Variants in TUBGCP3 observed in about 807,000 individuals in gnomAD.
TUBGCP3 encodes gamma-tubulin complex component 3.
A neutral mutation model predicts 123.1 loss-of-function variants in TUBGCP3; 50 were observed. The ratio of observed to expected loss-of-function variants is 0.41; its 90% CI spans 0.32 to 0.51. The LOEUF is 0.51. TUBGCP3 is among the 20% of genes least tolerant of loss of function. The pLI is 0.36. For missense variants in TUBGCP3, 882 were observed against 1,127.0 expected (o/e 0.78, Z 3.11); for synonymous variants, 405 against 413.9 (o/e 0.98, Z 0.26).
At chr13:112,516,713 A>G (rs1876164481) in intron 16 of TUBGCP3, 138 bp from the exon 17 acceptor site, 1 of 1,018,480 alleles carries the variant, frequency 9.8e-7, no homozygotes, top group Non-Finnish European at 1.4e-6. Flanking sequence ...TCACAGTAAC[A>G]GAAGGCAGGC....
intron 4 of TUBGCP3, among the ~76,000 whole-genome samples, chr13:112,558,931 G>A (rs1880275957): frequency 1.3e-5 from 2 of 152,178 alleles, no homozygotes; most frequent in African/African-American, 4.8e-5. Flanking sequence ...TGAGCCCGGT[G>A]ATGACAGGGT....
intron 17 of TUBGCP3, among the ~76,000 whole-genome samples, chr13:112,509,691 G>A (rs1881540714): frequency 6.6e-6 from 1 of 152,182 alleles, no homozygotes; most frequent in African/African-American, 2.4e-5. Context: ...TTGCTGCTGA[G>A]GACGCTGCTA....
At chr13:112,548,977 A>G in intron 8 of TUBGCP3, among the ~76,000 whole-genome samples, 1 of 152,222 alleles carries the variant, frequency 6.6e-6, no homozygotes, top group Non-Finnish European at 1.5e-5. Context: ...CAGCCATCCC[A>G]TTAGTGGGTA....
chr13:112,554,774 A>G (rs1879884736), intron 7 of TUBGCP3, 113 bp downstream of exon 7: 1 of 706,438 alleles, frequency 1.4e-6, no homozygotes, highest in Non-Finnish European at 2.4e-6. Flanking sequence ...ATTTCACCTC[A>G]CAACCGATTC....
chr13:112,582,143 C>T (rs1594236039), intron 1 of TUBGCP3, among the ~76,000 whole-genome samples: 1 of 152,176 alleles, frequency 6.6e-6, no homozygotes, highest in African/African-American at 2.4e-5. Flanking sequence ...TTTAGTGAAC[C>T]TGCAATCAAA....
Position 112,545,927 on chromosome 13 carries a change from TC to T in TUBGCP3, c.1169-63del, listed in dbSNP as rs1406501957. The T allele has an allele frequency of 6.4e-7, 1 of 1,555,612 alleles. No individual in the cohort carries two copies. Among genetic ancestry groups the T allele is most frequent in the African/African-American group, 1.4e-5 (1 of 73,774 alleles). On this transcript the variant is annotated intron_variant, in intron 10 of 21. Coordinates refer to ENST00000261965, the MANE Select transcript of TUBGCP3 (RefSeq NM_006322.6). This position sits in a 1 kb window ranked among gnomAD's most constrained non-coding sequence, Gnocchi z 4.1. ...CATTTACACTCATAGTACACACCAGTCACTTCTCACCAACCAAAGACGCCCA... is the reference window on the plus strand; with the variant it reads ...CATTTACACTCATAGTACACACCAGTACTTCTCACCAACCAAAGACGCCCA...
chr13:112,501,557 A>G (rs1219058420), intron 19 of TUBGCP3, among the ~76,000 whole-genome samples: 2 of 152,266 alleles, frequency 1.3e-5, no homozygotes, highest in African/African-American at 4.8e-5. Flanking sequence ...CTTCAAGATT[A>G]TATGTATCAG....
chr13:112,547,743 C>G lies in TUBGCP3; in HGVS notation c.1045G>C (p.Glu349Gln), dbSNP rs1879183955. The G allele has an allele frequency of 6.7e-7, 1 of 1,485,550 alleles. No individual in the cohort carries two copies. The highest frequency in any genetic ancestry group is 9.0e-7 in the Non-Finnish European group (1 of 1,114,340). 92.0% of individuals were successfully genotyped at this position (1,485,550 alleles called of 1,614,324 possible). ...LSVLHSQLQL[E>Q]DDQGVNLGLE... ...CCCAAATTCACACCCTGGTCATCCTCTAGTTGTAGCTAAAAAACAATAAAG... is the reference window on the plus strand; with the variant it reads ...CCCAAATTCACACCCTGGTCATCCTGTAGTTGTAGCTAAAAAACAATAAAG... The change falls in exon 10 of 22, where the codon GAG becomes CAG. Residue 349 changes from glutamate (E) to glutamine (Q), a missense_variant. Glu to Gln is a conservative substitution (Grantham distance 29). Around this residue, in one of 3 missense-constraint regions of TUBGCP3, gnomAD observed 713 missense variants for 874.0 expected, o/e 0.82. Transcript: ENST00000261965.
At chr13:112,537,101 G>T (rs1878116319) in intron 11 of TUBGCP3, among the ~76,000 whole-genome samples, 1 of 145,508 alleles carries the variant, frequency 6.9e-6, no homozygotes, top group Non-Finnish European at 1.5e-5. Flanking sequence ...TTCCAATCTG[G>T]CTATCTGGAT....
At position 112,536,670 on chromosome 13, in the gene TUBGCP3, T is replaced by C. The variant is rs541370599; in HGVS notation, c.1335+9029A>G. Among the ~76,000 whole-genome samples the C allele has an allele frequency of 2.0e-5, 3 of 152,330 alleles. No individual in the cohort carries two copies. In the East Asian group the frequency reaches 5.8e-4, roughly 29 times the overall value. On this transcript the variant is annotated intron_variant, in intron 11 of 21. Coordinates refer to ENST00000261965, the MANE Select transcript of TUBGCP3 (RefSeq NM_006322.6). Reference sequence around the variant, plus strand: ...CCTGCCAATGTGGTGAACTTATACATTAGACAGCTATACATACACCTCTCT... The same window carrying C: ...CCTGCCAATGTGGTGAACTTATACACTAGACAGCTATACATACACCTCTCT...
intron 6 of TUBGCP3, 46 bp from the exon 7 acceptor site, chr13:112,555,051 A>G (rs1342233829): frequency 8.2e-7 from 1 of 1,221,302 alleles, no homozygotes; most frequent in East Asian, 2.3e-5. Flanking sequence ...ACAATATTTT[A>G]ACAGACAATA....
chr13:112,504,375 C>T (rs765169589), intron 18 of TUBGCP3, among the ~76,000 whole-genome samples: 11 of 151,612 alleles, frequency 7.3e-5, no homozygotes, highest in Admixed American at 3.3e-4. Flanking sequence ...GTAATCCCAG[C>T]TACTCAGGAG....
chr13:112,549,815 C>T (rs1328146549), intron 8 of TUBGCP3, among the ~76,000 whole-genome samples: 1 of 151,598 alleles, frequency 6.6e-6, no homozygotes, highest in Non-Finnish European at 1.5e-5. Context: ...TGGTGAGACC[C>T]CTGTCTCTAC....
At position 112,511,914 on chromosome 13, in the gene TUBGCP3, C is replaced by T. The variant is rs1344118690; in HGVS notation, c.2086+4526G>A. Among the ~76,000 whole-genome samples, 1 of 152,152 alleles carries T rather than the reference C, an allele frequency of 6.6e-6. No individual in the cohort carries two copies. Among genetic ancestry groups the T allele is most frequent in the African/African-American group, 2.4e-5 (1 of 41,418 alleles). ...ACCAAGCTATTTCCACAGCCAGACA[C>T]TGCTCTCCAATACCTACACAAGGAA... On this transcript the variant is annotated intron_variant, in intron 17 of 21. Transcript: ENST00000261965. This position sits in a 1 kb window ranked among gnomAD's most constrained non-coding sequence, Gnocchi z 4.1.
intron 17 of TUBGCP3, 138 bp from the exon 18 acceptor site, chr13:112,504,852 A>G: frequency 1.5e-6 from 1 of 686,510 alleles, no homozygotes; most frequent in Non-Finnish European, 2.5e-6. Flanking sequence ...ACAGGAAACA[A>G]CCTCTCCAGA....
chr13:112,492,671 A>G (rs1184457599), intron 20 of TUBGCP3, among the ~76,000 whole-genome samples: 1 of 143,208 alleles, frequency 7.0e-6, no homozygotes, highest in Non-Finnish European at 1.5e-5. Context: ...TGCTCTGGCT[A>G]TGGGAACGGG....
At chr13:112,509,716 C>T (rs1246752269) in intron 17 of TUBGCP3, among the ~76,000 whole-genome samples, 2 of 152,160 alleles carry the variant, frequency 1.3e-5, no homozygotes, top group African/African-American at 2.4e-5. Flanking sequence ...AAAGAAACCT[C>T]GTAAAACCAT....
At chr13:112,542,923 G>A (rs927194047) in intron 11 of TUBGCP3, among the ~76,000 whole-genome samples, 9 of 152,170 alleles carry the variant, frequency 5.9e-5, no homozygotes, top group African/African-American at 9.7e-5. Flanking sequence ...CAAGGTGGGC[G>A]GATTGCCTGA....
At chr13:112,487,005 T>C (rs1879714687) in intron 21 of TUBGCP3, among the ~76,000 whole-genome samples, 1 of 152,164 alleles carries the variant, frequency 6.6e-6, no homozygotes, top group Non-Finnish European at 1.5e-5. Context: ...GCACAGGCTC[T>C]GCTGTGTTGA....
Sources: gnomAD v4.1 joint callset for allele counts (sites outside exome capture counted in the v4.1 genomes callset) on GRCh38, gnomAD v4.1.1 for gene constraint, gnomAD v4.1.1 regional missense constraint, Gnocchi (gnomAD v3.1) non-coding constraint, MANE v1.5 for transcripts, NCBI Gene and HGNC (gene_info 2026-07-23, HGNC 2026-07-21) for gene names.